MAPKBP1: variants seen among roughly 807,000 people sequenced by gnomAD.
The protein encoded by MAPKBP1 is mitogen-activated protein kinase binding protein 1.
A neutral mutation model predicts 170.5 loss-of-function variants in MAPKBP1; 71 were observed. The observed-to-expected ratio is 0.42, with a 90% confidence interval of 0.34 to 0.51. The LOEUF (loss-of-function observed/expected upper bound fraction) is 0.51. Ranked by LOEUF, MAPKBP1 falls within the 20% of genes least tolerant of loss-of-function variation. The probability of loss-of-function intolerance (pLI) is 0.06; values close to 1 mark genes in which losing one functional copy is unlikely to be tolerated. For missense variants in MAPKBP1, 1,598 were observed against 1,933.0 expected, an observed-to-expected ratio of 0.83 and a Z score of 3.25; for synonymous variants, 719 against 757.9, an observed-to-expected ratio of 0.95 and a Z score of 0.84.
chr15:41,821,050 G>A lies in MAPKBP1; in HGVS notation c.2700G>A (p.Glu900=). The A allele has an allele frequency of 6.2e-7, 1 of 1,614,072 alleles. No individual in the cohort carries two copies. Residue 900 remains glutamate, a synonymous_variant, in exon 23 of 31, where the codon GAG becomes GAA. Coordinates refer to ENST00000457542, the MANE Select transcript of MAPKBP1 (RefSeq NM_014994.3). ...GGAAGCATGGGCAGGAGGCCCTTGA[G>A]ACTTCACTCACTAGCCAGGTGAGCC... The part of the protein sequence containing the change: ...GPRKHGQEAL[E]TSLTSQNEKP...
Position 41,818,079 on chromosome 15 carries a change from A to G in MAPKBP1, c.1975A>G (p.Ile659Val), listed in dbSNP as rs2064924004. Residue 659 changes from isoleucine to valine, a missense_variant, in exon 17 of 31, where the codon ATT becomes GTT. By Grantham distance (29) the Ile-to-Val change is conservative. Around this residue, in one of 6 missense-constraint regions of MAPKBP1, gnomAD observed 430 missense variants for 617.2 expected, o/e 0.70. Transcript: ENST00000457542. The surrounding 1 kb of genome is among the most constrained non-coding windows in gnomAD (Gnocchi z 5.2). ...GTCACAGGGTGAGGACGGCACACTC[A>G]TTAAGGTAAGGACCCAGAGGGGGTA... is the stretch of plus-strand genomic sequence containing the variant. ...KGSQGEDGTL[I>V]KVQTDPSGIY... is the part of the protein sequence containing the mutation. 2 of 1,614,040 alleles carry G rather than the reference A, an allele frequency of 1.2e-6. No individual in the cohort carries two copies. The highest frequency in any genetic ancestry group is 2.7e-5 in the African/African-American group (2 of 74,918).
chr15:41,822,822 C>T (rs745708724), intron 27 of MAPKBP1, 117 bp from the exon 28 acceptor site: 13 of 1,466,088 alleles, frequency 8.9e-6, no homozygotes, highest in African/African-American at 1.4e-5. Flanking sequence ...TTCCCCAGCC[C>T]TATCTGGCTT....
intron 3 of MAPKBP1, among the ~76,000 whole-genome samples, chr15:41,801,798 G>A (rs1462263961): frequency 2.6e-5 from 4 of 151,970 alleles, no homozygotes; most frequent in African/African-American, 9.7e-5. Flanking sequence ...TGCAGTGAGT[G>A]CAGATTTCGC....
chr15:41,797,700 G>A (rs184806512), intron 2 of MAPKBP1, among the ~76,000 whole-genome samples: 26 of 152,254 alleles, frequency 1.7e-4, no homozygotes, highest in African/African-American at 6.3e-4. Context: ...TCAGATCGGC[G>A]CAAGGGTAAT....
chr15:41,779,375 T>C (rs2064146467), intron 2 of MAPKBP1, among the ~76,000 whole-genome samples: 1 of 151,904 alleles, frequency 6.6e-6, no homozygotes, highest in Non-Finnish European at 1.5e-5. Flanking sequence ...CACGCCGGGC[T>C]AATTTTTTTA....
At chr15:41,797,532 C>G (rs1339969742) in intron 2 of MAPKBP1, among the ~76,000 whole-genome samples, 1 of 152,108 alleles carries the variant, frequency 6.6e-6, no homozygotes, top group Non-Finnish European at 1.5e-5. Flanking sequence ...CCCCAGACTT[C>G]CCCAGGATGA....
Position 41,811,125 on chromosome 15 carries a change from T to G in MAPKBP1, c.270-53T>G, listed in dbSNP as rs1048433806. On this transcript the variant is annotated intron_variant, in intron 4 of 30. Transcript: ENST00000457542. Reference sequence around the variant, plus strand: ...ACCTTTTGAGAGGCTGGGAGGGGGCTAGGCTTAGGCCAGGCTGCCAGTGCC... The same window carrying G: ...ACCTTTTGAGAGGCTGGGAGGGGGCGAGGCTTAGGCCAGGCTGCCAGTGCC... The G allele has an allele frequency of 6.9e-6, 11 of 1,602,132 alleles. No individual in the cohort carries two copies. The African/African-American group carries it at 1.3e-4, about 19-fold the overall frequency.
intron 3 of MAPKBP1, among the ~76,000 whole-genome samples, chr15:41,807,823 A>AG (rs1184392441): frequency 6.6e-6 from 1 of 152,154 alleles, no homozygotes; most frequent in Non-Finnish European, 1.5e-5. Context: ...GGATCACCTG[A>AG]GGTCAGGAGT....
intron 2 of MAPKBP1, among the ~76,000 whole-genome samples, chr15:41,796,952 T>C (rs1001409343): frequency 2.6e-5 from 4 of 152,242 alleles, no homozygotes; most frequent in Non-Finnish European, 1.5e-5. Flanking sequence ...TATTGTACTC[T>C]AGGATTAACA....
chr15:41,786,532 A>G (rs928447479), intron 2 of MAPKBP1, among the ~76,000 whole-genome samples: 2 of 151,770 alleles, frequency 1.3e-5, no homozygotes, highest in African/African-American at 2.4e-5. Flanking sequence ...TGGGAGGCCA[A>G]GGCGGGCGGA....
At chr15:41,784,892 G>GT (rs1470903714) in intron 2 of MAPKBP1, among the ~76,000 whole-genome samples, 2 of 63,532 alleles carry the variant, frequency 3.1e-5, no homozygotes, top group African/African-American at 4.9e-5. Context: ...AACCCTATCT[G>GT]TAAAAAAAAA....
chr15:41,789,319 C>G (rs1449122857), intron 2 of MAPKBP1, among the ~76,000 whole-genome samples: 8 of 151,886 alleles, frequency 5.3e-5, no homozygotes, highest in Admixed American at 5.2e-4. Context: ...ACTCCACCCC[C>G]ACCCGAATTC....
chr15:41,813,362 C>T (rs371720530), intron 8 of MAPKBP1: 16 of 1,524,986 alleles, frequency 1.0e-5, no homozygotes, highest in Non-Finnish European at 1.5e-5. Context: ...GTGGTGCCTG[C>T]ACCTTCCTCT....
chr15:41,787,347 C>T (rs1182490785), intron 2 of MAPKBP1, among the ~76,000 whole-genome samples: 7 of 149,036 alleles, frequency 4.7e-5, no homozygotes, highest in Non-Finnish European at 8.9e-5. Flanking sequence ...TCAACATAGT[C>T]GCTTTTATTT....
At chr15:41,783,279 T>C (rs1354848080) in intron 2 of MAPKBP1, among the ~76,000 whole-genome samples, 4 of 152,156 alleles carry the variant, frequency 2.6e-5, no homozygotes, top group African/African-American at 9.7e-5. Flanking sequence ...TTGTTATCTC[T>C]TGTTAGCATA....
At chr15:41,789,373 A>T (rs2064355738) in intron 2 of MAPKBP1, among the ~76,000 whole-genome samples, 2 of 152,094 alleles carry the variant, frequency 1.3e-5, no homozygotes, top group African/African-American at 4.8e-5. Context: ...CCTTTCTGAT[A>T]ACTGTGGAAG....
intron 5 of MAPKBP1, chr15:41,811,555 C>T (rs922588244): frequency 1.6e-6 from 1 of 637,820 alleles, no homozygotes; most frequent in East Asian, 3.2e-5. Context: ...GCTTTGGAAA[C>T]CACTGCCTTA....
At chr15:41,815,920 A>G in intron 12 of MAPKBP1, 121 bp downstream of exon 12, 1 of 990,612 alleles carries the variant, frequency 1.0e-6, no homozygotes, top group Non-Finnish European at 1.5e-6. Context: ...TACAAGGCAA[A>G]GATAATAACT....
At chr15:41,781,994 A>G (rs2064196191) in intron 2 of MAPKBP1, among the ~76,000 whole-genome samples, 1 of 151,784 alleles carries the variant, frequency 6.6e-6, no homozygotes, top group African/African-American at 2.4e-5. Flanking sequence ...CATGCCTGTA[A>G]TCCTAGCATT....
Sources: gnomAD v4.1 joint callset for allele counts (sites outside exome capture counted in the v4.1 genomes callset) on GRCh38, gnomAD v4.1.1 for gene constraint, gnomAD v4.1.1 regional missense constraint, Gnocchi (gnomAD v3.1) non-coding constraint, MANE v1.5 for transcripts, NCBI Gene and HGNC (gene_info 2026-07-23, HGNC 2026-07-21) for gene names.